The following THSD7A variants were observed in gnomAD, a reference collection of about 807,000 sequenced individuals.
THSD7A encodes the protein thrombospondin type 1 domain containing 7A.
A neutral mutation model predicts 231.3 loss-of-function variants in THSD7A; 96 were observed. The ratio of observed to expected loss-of-function variants is 0.41; its 90% CI spans 0.35 to 0.49. THSD7A has a LOEUF of 0.49. THSD7A is among the 20% of genes least tolerant of loss of function. The pLI is 0.05. For synonymous variants in THSD7A, 940 were observed against 743.3 expected, an observed-to-expected ratio of 1.26 and a Z score of -4.30; for missense variants, 2,290 against 2,070.2, an observed-to-expected ratio of 1.11 and a Z score of -2.06.
At chr7:11,796,756 A>C (rs1784137278) in intron 1 of THSD7A, among the ~76,000 whole-genome samples, 1 of 152,102 alleles carries the variant, frequency 6.6e-6, no homozygotes, top group Non-Finnish European at 1.5e-5. Context: ...CCAGGTACTT[A>C]TCAAACTTTC....
chr7:11,789,758 CT>C (rs949986980), intron 1 of THSD7A, among the ~76,000 whole-genome samples: 3 of 151,840 alleles, frequency 2.0e-5, no homozygotes, highest in African/African-American at 7.3e-5. Context: ...AAAAAAATAC[CT>C]TTTTTGTTTT....
chr7:11,827,081 G>A (rs1022076693), intron 1 of THSD7A, among the ~76,000 whole-genome samples: 9 of 152,092 alleles, frequency 5.9e-5, no homozygotes, highest in Middle Eastern at 3.2e-3. Flanking sequence ...ATGGTTGACT[G>A]TAAACTTGAA....
At chr7:11,509,792 A>G (rs1787717962) in intron 6 of THSD7A, among the ~76,000 whole-genome samples, 1 of 133,664 alleles carries the variant, frequency 7.5e-6, no homozygotes, top group Non-Finnish European at 1.6e-5. Flanking sequence ...ACTGCACTCC[A>G]GCCTGGGCGA....
At chr7:11,801,539 A>G (rs948698259) in intron 1 of THSD7A, among the ~76,000 whole-genome samples, 2 of 152,138 alleles carry the variant, frequency 1.3e-5, no homozygotes, top group Non-Finnish European at 2.9e-5. Flanking sequence ...AAGTTCCAGA[A>G]CCCCTCAAAA....
intron 1 of THSD7A, among the ~76,000 whole-genome samples, chr7:11,646,273 A>G (rs915894098): frequency 2.6e-5 from 4 of 152,052 alleles, no homozygotes; most frequent in Non-Finnish European, 5.9e-5. Flanking sequence ...AATAATTACT[A>G]CAACCAAAAA....
intron 1 of THSD7A, among the ~76,000 whole-genome samples, chr7:11,740,576 C>G (rs1456979085): frequency 2.6e-5 from 4 of 151,904 alleles, no homozygotes; most frequent in African/African-American, 9.7e-5. Context: ...AGGTGTTCCC[C>G]TTCCTGGATA....
chr7:11,401,765 A>AAGAT (rs770485785), intron 23 of THSD7A, 30 bp downstream of exon 23: 2 of 1,556,132 alleles, frequency 1.3e-6, no homozygotes, highest in Admixed American at 2.0e-5. Context: ...GCTTTTGCTT[A>AAGAT]AGATAGAGTA....
chr7:11,664,827 C>G (rs1246658646), intron 1 of THSD7A, among the ~76,000 whole-genome samples: 1 of 151,950 alleles, frequency 6.6e-6, no homozygotes, highest in African/African-American at 2.4e-5. Context: ...CATGGATAAC[C>G]TTGAGAGCCT....
chr7:11,689,112 A>G (rs1780154393), intron 1 of THSD7A, among the ~76,000 whole-genome samples: 2 of 151,880 alleles, frequency 1.3e-5, no homozygotes, highest in African/African-American at 2.4e-5. Context: ...GACAATGACA[A>G]TGTAAGCTTT....
chr7:11,471,307 T>G (rs1052982725), intron 8 of THSD7A, among the ~76,000 whole-genome samples: 3 of 151,992 alleles, frequency 2.0e-5, no homozygotes, highest in African/African-American at 7.2e-5. Flanking sequence ...GAAATAGGAT[T>G]TTAAAATACT....
chr7:11,629,887 G>T lies in THSD7A; in HGVS notation c.1022+6243C>A, dbSNP rs919219459. ...TCACAAAAGTTGAAAGGCTTTTAGA[G>T]ATTTATTTTTAGGCTCTCTCCCTCT... On this transcript the variant is annotated intron_variant, in intron 2 of 27. Coordinates refer to ENST00000423059, the MANE Select transcript of THSD7A (RefSeq NM_015204.3). Among the ~76,000 whole-genome samples, 6 of 152,176 alleles carry T rather than the reference G, an allele frequency of 3.9e-5. No homozygotes were observed. The East Asian group carries it at 1.2e-3, about 29-fold the overall frequency.
At chr7:11,726,524 T>A (rs1318512108) in intron 1 of THSD7A, among the ~76,000 whole-genome samples, 1 of 151,328 alleles carries the variant, frequency 6.6e-6, no homozygotes, top group Non-Finnish European at 1.5e-5. Context: ...GAGGTCTGCA[T>A]GCAGACAGAT....
At chr7:11,568,092 A>C (rs1223059159) in intron 4 of THSD7A, among the ~76,000 whole-genome samples, 4 of 152,196 alleles carry the variant, frequency 2.6e-5, no homozygotes, top group Admixed American at 1.3e-4. Flanking sequence ...GAATTTAAAT[A>C]GTATTTTAAG....
intron 6 of THSD7A, among the ~76,000 whole-genome samples, chr7:11,525,839 G>A (rs976923532): frequency 1.4e-4 from 21 of 152,070 alleles, no homozygotes; most frequent in Non-Finnish European, 2.4e-4. Flanking sequence ...ATAAAACAAA[G>A]ACTCTAAAAC....
chr7:11,768,614 G>A (rs1422996062), intron 1 of THSD7A, among the ~76,000 whole-genome samples: 1 of 152,076 alleles, frequency 6.6e-6, no homozygotes, highest in Non-Finnish European at 1.5e-5. Context: ...TGAACTCAGG[G>A]ATAGACCTCT....
intron 4 of THSD7A, among the ~76,000 whole-genome samples, chr7:11,564,746 A>T (rs938713892): frequency 6.6e-6 from 1 of 152,188 alleles, no homozygotes; most frequent in South Asian, 2.1e-4. Flanking sequence ...CCACGATGCC[A>T]TATTTCCTAG....
At chr7:11,703,007 A>G (rs1358167) in intron 1 of THSD7A, among the ~76,000 whole-genome samples, 18,600 of 151,226 alleles carry the variant, frequency 0.12, 1,407 homozygotes, top group Admixed American at 0.18. Context: ...CTGAAGAAGA[A>G]ACTCTTTTAA....
chr7:11,460,718 A>G lies in THSD7A; in HGVS notation c.2549T>C (p.Val850Ala). 1 of 1,612,684 alleles carries G rather than the reference A, an allele frequency of 6.2e-7. No homozygotes were observed. Among genetic ancestry groups the G allele is most frequent in the Non-Finnish European group, 8.5e-7 (1 of 1,179,430 alleles). The change falls in exon 11 of 28, where the codon GTG becomes GCG. Residue 850 changes from valine (V) to alanine (A), a missense_variant. By Grantham distance (64) the Val-to-Ala change is moderately conservative. Coordinates refer to ENST00000423059, the MANE Select transcript of THSD7A (RefSeq NM_015204.3). ...CTGTGCTCCAGGGCTGTCTTGTTGC[A>G]CGCTCCAAGGGACTAATTGGCATCT... ...WRRCQLVPWS[V>A]QQDSPGAQEG... is the part of the protein sequence containing the mutation.
At position 11,586,416 on chromosome 7, in the gene THSD7A, C is replaced by A. The variant is rs539427090; in HGVS notation, c.1453+4044G>T. ...CGACTTAAGGATTGCATCTGAGAAT[C>A]TATGGAGACTCTCTTAGGTATCAGC... On this transcript the variant is annotated intron_variant, in intron 4 of 27. Coordinates refer to ENST00000423059, the MANE Select transcript of THSD7A (RefSeq NM_015204.3). 1.9e-3 allele frequency among the ~76,000 whole-genome samples: 284 copies of A among 152,278 alleles called. 2 individuals carry two copies. The highest frequency in any genetic ancestry group is 0.014 in the Middle Eastern group (4 of 292).
Sources: allele counts gnomAD v4.1 joint callset (sites outside exome capture counted in the v4.1 genomes callset), GRCh38; gene constraint gnomAD v4.1.1; transcripts MANE v1.5; gene names NCBI Gene and HGNC (gene_info 2026-07-23, HGNC 2026-07-21).